Variants in LILRA1 observed in about 807,000 individuals in gnomAD.
LILRA1 encodes leukocyte immunoglobulin like receptor A1, also known as leukocyte immunoglobulin-like receptor subfamily A member 1.
In LILRA1, 51 loss-of-function variants were observed where a neutral mutation model predicts 51.6. The ratio of observed to expected loss-of-function variants is 0.99; its 90% confidence interval spans 0.79 to 1.25. The LOEUF (loss-of-function observed/expected upper bound fraction) is 1.25, where lower values mean the gene tolerates loss of function less well. Ranked by LOEUF, LILRA1 falls within the 50% of genes most tolerant of loss-of-function variation. The probability of loss-of-function intolerance (pLI) is 0.00; values close to 1 mark genes in which losing one functional copy is unlikely to be tolerated. For synonymous variants in LILRA1, 305 were observed against 248.4 expected, an observed-to-expected ratio of 1.23 and a Z score of -2.14; for missense variants, 660 against 611.7, an observed-to-expected ratio of 1.08 and a Z score of -0.83.
At position 54,601,382 on chromosome 19, in the gene LILRA1, C is replaced by CTGAGGGTGTT; in HGVS notation, c.*565_*566insTGAGGGTGTT. The stretch of plus-strand genomic sequence containing the variant: ...CCCTCCTTCTCACATGCTACCTGTG[C>CTGAGGGTGTT]AGCTTCTCCTTAGATCATTGTGTAA... On this transcript the variant is annotated 3_prime_UTR_variant, in exon 10 of 10. Coordinates refer to ENST00000251372, the MANE Select transcript of LILRA1 (RefSeq NM_006863.4). 1 of 170,650 alleles carries CTGAGGGTGTT rather than the reference C, an allele frequency of 5.9e-6. No individual in the cohort carries two copies. The allele number at this position is 170,650 out of a possible 1,614,324, so 10.6% of individuals were successfully genotyped here.
At chr19:54,599,114 T>A in intron 7 of LILRA1, 122 bp from the exon 8 acceptor site, 2 of 1,212,590 alleles carry the variant, frequency 1.6e-6, no homozygotes, top group Non-Finnish European at 2.2e-6. Flanking sequence ...TTTTTAAATG[T>A]CTACCCAGGA....
chr19:54,596,260 C>A lies in LILRA1; in HGVS notation c.1030C>A (p.Leu344Met), dbSNP rs771832983. 3.3e-5 allele frequency: 54 copies of A among 1,614,006 alleles called. No individual in the cohort carries two copies. The highest frequency in any genetic ancestry group is 4.1e-5 in the Non-Finnish European group (48 of 1,180,024). Residue 344 changes from leucine to methionine, a missense_variant, in exon 7 of 10, where the codon CTG becomes ATG. Physicochemically the swap from Leu to Met is conservative, Grantham distance 15 (BLOSUM62 2). Coordinates refer to ENST00000251372, the MANE Select transcript of LILRA1 (RefSeq NM_006863.4). ...PTVASGENVT[L>M]LCQSWGPFHT... ...GGTGGCCTCAGGAGAGAACGTGACC[C>A]TGCTGTGTCAGTCATGGGGGCCGTT...
At chr19:54,599,428 A>G (rs1408544091) in intron 8 of LILRA1, 142 bp downstream of exon 8, 4 of 1,330,828 alleles carry the variant, frequency 3.0e-6, no homozygotes, top group African/African-American at 1.5e-5. Flanking sequence ...TTAATGATTT[A>G]TAAGTGAAGT....
rs778698590 is a variant in LILRA1 at position 54,595,373 on chromosome 19, C to G, written c.632C>G (p.Pro211Arg). ...DSNSPHVWSL[P>R]SDLLELLVLG... is the part of the protein sequence containing the mutation. ...AACTCTCCCCATGTGTGGTCTCTAC[C>G]CAGTGATCTCCTGGAGCTCCTGGTC... The change falls in exon 5 of 10, where the codon CCC (proline) becomes CGC (arginine). Residue 211 changes from proline (P) to arginine (R), a missense_variant. Coordinates refer to ENST00000251372, the MANE Select transcript of LILRA1 (RefSeq NM_006863.4). The G allele has an allele frequency of 6.2e-7, 1 of 1,612,666 alleles. No individual in the cohort carries two copies.
Position 54,595,808 on chromosome 19 carries a change from C to T in LILRA1, c.831C>T (p.Leu277=). ...QLPGPQPQAG[L]SQANFTLGPV... The stretch of plus-strand genomic sequence containing the variant: ...CTGGCCCACAGCCCCAGGCTGGGCT[C>T]TCCCAGGCCAACTTCACCCTGGGCC... The change falls in exon 6 of 10, where the codon CTC becomes CTT. Residue 277 remains leucine, a synonymous_variant. Transcript: ENST00000251372. 1 of 1,614,212 alleles carries T rather than the reference C, an allele frequency of 6.2e-7. No homozygotes were observed. Among genetic ancestry groups the T allele is most frequent in the Non-Finnish European group, 8.5e-7 (1 of 1,180,018 alleles).
chr19:54,594,861 C>T lies in LILRA1; in HGVS notation c.267C>T (p.Thr89=), dbSNP rs2062996021. The T allele has an allele frequency of 6.2e-7, 1 of 1,614,142 alleles. No homozygotes were observed. Among genetic ancestry groups the T allele is most frequent in the Non-Finnish European group, 8.5e-7 (1 of 1,179,998 alleles). Residue 89 remains threonine (T), a synonymous_variant, in exon 4 of 10, where the codon ACC becomes ACT. Coordinates refer to ENST00000251372, the MANE Select transcript of LILRA1 (RefSeq NM_006863.4). The part of the protein sequence containing the change: ...KKGQFPIPSI[T]WEHTGRYRCF... ...GCCAGTTCCCCATCCCATCCATCAC[C>T]TGGGAACACACAGGGCGGTATCGCT...
Position 54,596,028 on chromosome 19 carries a change from G to A in LILRA1, c.958+93G>A, listed in dbSNP as rs2063044055. 8.4e-6 allele frequency: 13 copies of A among 1,554,114 alleles called. No homozygotes were observed. The South Asian group carries it at 1.2e-4, about 15-fold the overall frequency. On this transcript the variant is annotated intron_variant, in intron 6 of 9. Coordinates refer to ENST00000251372, the MANE Select transcript of LILRA1 (RefSeq NM_006863.4). ...GGTGATGGCCGGAATGAGGGGTGGG[G>A]GTCCCAAGGGAGGGAGAGACAGACA...
chr19:54,594,242 G>C lies in LILRA1; in HGVS notation c.-3G>C, dbSNP rs371515637. ...GCAGAGCAGGGCAGTGGGAGGAGAC[G>C]CTATGACCCCCATCGTCACAGTCCT... On this transcript the variant is annotated 5_prime_UTR_variant, in exon 2 of 10. Transcript: ENST00000251372. 1 of 1,613,020 alleles carries C rather than the reference G, an allele frequency of 6.2e-7. No homozygotes were observed. The highest frequency in any genetic ancestry group is 1.7e-5 in the Admixed American group (1 of 59,848).
chr19:54,598,771 T>G (rs2063109913), intron 7 of LILRA1, among the ~76,000 whole-genome samples: 1 of 152,112 alleles, frequency 6.6e-6, no homozygotes, highest in Non-Finnish European at 1.5e-5. Flanking sequence ...TGTTGAATAA[T>G]TCTTTAAATT....
intron 7 of LILRA1, among the ~76,000 whole-genome samples, chr19:54,598,987 G>C (rs895004189): frequency 6.6e-6 from 1 of 151,900 alleles, no homozygotes; most frequent in Non-Finnish European, 1.5e-5. Context: ...GTAGAGACAG[G>C]GTTTCACCAT....
chr19:54,598,329 A>G (rs2063101715), intron 7 of LILRA1, among the ~76,000 whole-genome samples: 1 of 152,182 alleles, frequency 6.6e-6, no homozygotes. Flanking sequence ...CAATGTAGAC[A>G]TCCATTTTTC....
chr19:54,596,610 G>A (rs2063064564), intron 7 of LILRA1, 119 bp downstream of exon 7: 15 of 1,404,252 alleles, frequency 1.1e-5, no homozygotes, highest in African/African-American at 1.4e-5. Flanking sequence ...GCTTACACCT[G>A]TAATCCCAGC....
At chr19:54,597,635 G>T (rs887515918) in intron 7 of LILRA1, among the ~76,000 whole-genome samples, 1 of 151,956 alleles carries the variant, frequency 6.6e-6, no homozygotes, top group Non-Finnish European at 1.5e-5. Flanking sequence ...TGATGGAGGA[G>T]GAACAGAGGC....
At position 54,594,968 on chromosome 19, in the gene LILRA1, G is replaced by A; in HGVS notation, c.358+16G>A. ...GTGGTGACAGGTGAGCTGACACTGA[G>A]GGCTCCCAGCCCCAGGCTCTGCCCT... On this transcript the variant is annotated intron_variant, in intron 4 of 9. Coordinates refer to ENST00000251372, the MANE Select transcript of LILRA1 (RefSeq NM_006863.4). 6.2e-7 allele frequency: 1 copy of A among 1,613,288 alleles called. No individual in the cohort carries two copies. The highest frequency in any genetic ancestry group is 1.1e-5 in the South Asian group (1 of 91,028).
intron 8 of LILRA1, 37 bp from the exon 9 acceptor site, chr19:54,600,475 C>T (rs1418358340): frequency 1.2e-6 from 2 of 1,610,804 alleles, no homozygotes; most frequent in African/African-American, 2.7e-5. Context: ...AGGGGAGAGG[C>T]TGGCTCAGGG....
rs148392870 is a variant in LILRA1 at position 54,594,696 on chromosome 19, G to A, written c.102G>A (p.Glu34=). The A allele has an allele frequency of 2.1e-4, 343 of 1,613,604 alleles. No homozygotes were observed. The highest frequency in any genetic ancestry group is 8.2e-4 in the East Asian group (37 of 44,888). ...GTLPKPTLWA[E]PGSVITQGSP... is the part of the protein sequence containing the mutation. ...TCCCCAAGCCCACACTCTGGGCTGA[G>A]CCAGGCTCTGTGATCACCCAGGGGA... The change falls in exon 4 of 10, where the codon GAG becomes GAA. Residue 34 remains glutamate, a synonymous_variant. Transcript: ENST00000251372.
intron 7 of LILRA1, among the ~76,000 whole-genome samples, chr19:54,597,505 G>A (rs1334402461): frequency 2.0e-5 from 3 of 152,084 alleles, no homozygotes; most frequent in Non-Finnish European, 4.4e-5. Context: ...GCACAGCTCT[G>A]CAGGACCCCA....
intron 4 of LILRA1, 47 bp from the exon 5 acceptor site, chr19:54,595,053 G>T: frequency 6.2e-7 from 1 of 1,601,660 alleles, no homozygotes; most frequent in Non-Finnish European, 8.5e-7. Flanking sequence ...TGGGGATGAA[G>T]TGGGAGGTGT....
chr19:54,600,176 C>T (rs2063139009), intron 8 of LILRA1, among the ~76,000 whole-genome samples: 1 of 152,104 alleles, frequency 6.6e-6, no homozygotes, highest in Non-Finnish European at 1.5e-5. Context: ...ATAAGTGAAA[C>T]TCTCATCTCT....
Sources: gnomAD v4.1 joint callset for allele counts (sites outside exome capture counted in the v4.1 genomes callset) on GRCh38, gnomAD v4.1.1 for gene constraint, MANE v1.5 for transcripts, NCBI Gene and HGNC (gene_info 2026-07-23, HGNC 2026-07-21) for gene names.